The following FRMD4A variants were observed in gnomAD, a reference collection of about 807,000 sequenced individuals.
FRMD4A encodes the protein FERM domain containing 4A, also known as FERM domain-containing protein 4A.
Under a neutral mutation model 129.1 loss-of-function variants are expected in FRMD4A, and 29 were observed. The ratio of observed to expected loss-of-function variants is 0.22; its 90% CI spans 0.17 to 0.31. The LOEUF (loss-of-function observed/expected upper bound fraction) is 0.31. FRMD4A is among the 10% of genes least tolerant of loss of function. The probability of loss-of-function intolerance (pLI) is 1.00; values close to 1 mark genes in which losing one functional copy is unlikely to be tolerated. For synonymous variants in FRMD4A, 634 were observed against 571.6 expected, an observed-to-expected ratio of 1.11 and a Z score of -1.56; for missense variants, 1,272 against 1,375.8, an observed-to-expected ratio of 0.92 and a Z score of 1.19.
In FRMD4A at chr10:13,882,301, G is replaced by A. The variant is rs543945601; in HGVS notation, c.46-23389C>T. Among the ~76,000 whole-genome samples the A allele has an allele frequency of 2.2e-4, 33 of 152,242 alleles. No homozygotes were observed. The South Asian group carries it at 6.2e-3, about 29-fold the overall frequency. ...AATGTGGGAAGACAATGTATGGACC[G>A]AGGCATTGGAGAAATTTGATTGGAA... On this transcript the variant is annotated intron_variant, in intron 2 of 24. Transcript: ENST00000357447.
At chr10:14,208,193 C>A (rs1000261241) in intron 2 of FRMD4A, among the ~76,000 whole-genome samples, 1 of 152,042 alleles carries the variant, frequency 6.6e-6, no homozygotes, top group Non-Finnish European at 1.5e-5. Context: ...CAGACCCAGC[C>A]TCAAAAGAAA....
chr10:14,066,128 C>G (rs1835049398), intron 2 of FRMD4A, among the ~76,000 whole-genome samples: 1 of 151,286 alleles, frequency 6.6e-6, no homozygotes, highest in South Asian at 2.1e-4. Flanking sequence ...ATAATAGCAG[C>G]ACATAGAAGG....
chr10:14,210,679 C>G lies in FRMD4A; in HGVS notation c.45+119379G>C, dbSNP rs146549139. 3.6e-3 allele frequency among the ~76,000 whole-genome samples: 554 copies of G among 152,272 alleles called. 13 individuals carry two copies. Among genetic ancestry groups the G allele is most frequent in the Admixed American group, 0.034 (515 of 15,274 alleles). ...GTCGTAAGCATCTCCAATAGCCGCA[C>G]TGTATCATGTGGGCCTTGACTGTGG... On this transcript the variant is annotated intron_variant, in intron 2 of 24. Transcript: ENST00000357447.
chr10:13,732,589 G>A lies in FRMD4A; in HGVS notation c.759+5255C>T, dbSNP rs531746959. Among the ~76,000 whole-genome samples, 13 of 152,338 alleles carry A rather than the reference G, an allele frequency of 8.5e-5. 3 individuals are homozygous for A. Among genetic ancestry groups the A allele is most frequent in the African/African-American group, 2.6e-4 (11 of 41,584 alleles). On this transcript the variant is annotated intron_variant, in intron 12 of 24. Transcript: ENST00000357447. Reference sequence around the variant, plus strand: ...GTGTCAGGGAGGGCCTCTGTCTGCCGCCGGGCAGGAGCAGCTGCCTGGGCT... The same window carrying A: ...GTGTCAGGGAGGGCCTCTGTCTGCCACCGGGCAGGAGCAGCTGCCTGGGCT...
intron 2 of FRMD4A, among the ~76,000 whole-genome samples, chr10:13,926,982 G>A (rs552167543): frequency 6.6e-6 from 1 of 152,152 alleles, no homozygotes; most frequent in Admixed American, 6.5e-5. Flanking sequence ...GACCAGGTGT[G>A]GTGGCTCACG....
rs114501939 is a variant in FRMD4A, at chr10:13,684,342, C to A, written c.1118-9298G>T. On this transcript the variant is annotated intron_variant, in intron 15 of 24. Transcript: ENST00000357447. ...TCACGCCAAGTCAGAAAGTCATTTT[C>A]GGGGGCATTTGGAAATCTTTGGAGT... 2,510 of 985,156 alleles carry A rather than the reference C, an allele frequency of 2.5e-3. 50 individuals carry two copies. In the African/African-American group the frequency reaches 0.038, roughly 15 times the overall value. The allele number at this position is 985,156 out of a possible 1,614,324, so 61.0% of individuals were successfully genotyped here.
At chr10:14,061,018 T>C (rs1444221077) in intron 2 of FRMD4A, among the ~76,000 whole-genome samples, 4 of 119,760 alleles carry the variant, frequency 3.3e-5, no homozygotes, top group African/African-American at 1.0e-4. Flanking sequence ...TACAAACCAA[T>C]AAGGAAAAAA....
At chr10:14,057,182 A>G (rs1485141060) in intron 2 of FRMD4A, among the ~76,000 whole-genome samples, 1 of 152,234 alleles carries the variant, frequency 6.6e-6, no homozygotes, top group Non-Finnish European at 1.5e-5. Context: ...AATATTGTCA[A>G]TATAGTTCCT....
At chr10:13,974,948 G>A (rs936286453) in intron 2 of FRMD4A, among the ~76,000 whole-genome samples, 2 of 152,244 alleles carry the variant, frequency 1.3e-5, no homozygotes, top group African/African-American at 4.8e-5. Flanking sequence ...GCTTTTCAAA[G>A]GGATTTAGAA....
intron 2 of FRMD4A, among the ~76,000 whole-genome samples, chr10:13,960,203 T>C (rs1269902059): frequency 6.6e-6 from 1 of 152,220 alleles, no homozygotes; most frequent in Admixed American, 6.5e-5. Context: ...GCAGCTTGTT[T>C]CCTGACAAAA....
chr10:13,933,400 T>G (rs2095219877), intron 2 of FRMD4A, among the ~76,000 whole-genome samples: 1 of 152,178 alleles, frequency 6.6e-6, no homozygotes, highest in Admixed American at 6.5e-5. Flanking sequence ...GCCCCTATGC[T>G]TGGGCCGTTC....
At chr10:13,654,371 ACT>A (rs111679398) in intron 23 of FRMD4A, 43 bp downstream of exon 23, 17,371 of 1,206,790 alleles carry the variant, frequency 0.014, 826 homozygotes, top group African/African-American at 0.14. Flanking sequence ...CGTCTATGAC[ACT>A]CTTTCGAGCT....
intron 2 of FRMD4A, among the ~76,000 whole-genome samples, chr10:14,136,400 A>G (rs1839536304): frequency 6.6e-6 from 1 of 152,162 alleles, no homozygotes; most frequent in South Asian, 2.1e-4. Flanking sequence ...TGAAATGTAA[A>G]TGGTAGCTTA....
chr10:13,760,141 C>A (rs1014676613), intron 8 of FRMD4A, among the ~76,000 whole-genome samples: 3 of 152,080 alleles, frequency 2.0e-5, no homozygotes, highest in African/African-American at 7.2e-5. Context: ...CAGGCTCATC[C>A]ATTTACTTAT....
chr10:14,085,983 G>T (rs1329396355), intron 2 of FRMD4A, among the ~76,000 whole-genome samples: 1 of 151,880 alleles, frequency 6.6e-6, no homozygotes, highest in Non-Finnish European at 1.5e-5. Flanking sequence ...ACTTTAATAC[G>T]AGCGCCAGTA....
intron 2 of FRMD4A, among the ~76,000 whole-genome samples, chr10:14,151,489 T>C (rs1840335710): frequency 6.6e-6 from 1 of 152,128 alleles, no homozygotes; most frequent in South Asian, 2.1e-4. Flanking sequence ...ATTCTAGTGA[T>C]TCCTAAGGGA....
intron 2 of FRMD4A, among the ~76,000 whole-genome samples, chr10:14,188,074 C>T (rs1842203355): frequency 6.6e-6 from 1 of 152,164 alleles, no homozygotes; most frequent in Non-Finnish European, 1.5e-5. Context: ...GGAGCTCCTT[C>T]CTTAGACTCT....
intron 21 of FRMD4A, among the ~76,000 whole-genome samples, chr10:13,658,587 AAAAG>A (rs1227834495): frequency 6.6e-6 from 1 of 152,180 alleles, no homozygotes; most frequent in Non-Finnish European, 1.5e-5. Flanking sequence ...TCTTTTTAGA[AAAAG>A]AAGGTGTGGC....
intron 2 of FRMD4A, among the ~76,000 whole-genome samples, chr10:14,013,454 G>T (rs1165268825): frequency 6.6e-6 from 1 of 152,148 alleles, no homozygotes; most frequent in Non-Finnish European, 1.5e-5. Flanking sequence ...GAGGGAGAGG[G>T]AAACAAAAGA....
Sources: allele counts gnomAD v4.1 joint callset (sites outside exome capture counted in the v4.1 genomes callset), GRCh38; gene constraint gnomAD v4.1.1; transcripts MANE v1.5; gene names NCBI Gene and HGNC (gene_info 2026-07-23, HGNC 2026-07-21).